PREX2: variants seen among roughly 807,000 people sequenced by gnomAD.
PREX2 encodes phosphatidylinositol-3,4,5-trisphosphate dependent Rac exchange factor 2, also known as phosphatidylinositol 3,4,5-trisphosphate-dependent Rac exchanger 2 protein.
Under a neutral mutation model 203.2 loss-of-function variants are expected in PREX2, and 107 were observed. The ratio of observed to expected loss-of-function variants is 0.53; its 90% CI spans 0.45 to 0.62. The LOEUF is 0.62. Among genes scored for constraint, PREX2 ranks in the 20% least tolerant of loss-of-function variants. The probability of loss-of-function intolerance (pLI) is 0.00; values close to 1 mark genes in which losing one functional copy is unlikely to be tolerated. For missense variants in PREX2, 1,777 were observed against 1,955.9 expected (o/e 0.91, Z 1.72); for synonymous variants, 672 against 663.6 (o/e 1.01, Z -0.19).
rs1807090704 is a variant in PREX2, at chr8:68,006,288, T to TC, written c.142-11554dup. On this transcript the variant is annotated intron_variant, in intron 1 of 39. Transcript: ENST00000288368. ...CCTGGGATGAAGGGAGGCACCAGTT[T>TC]CCCCGCTGAGATGCAGTATAACCTG... Among the ~76,000 whole-genome samples, 3 of 152,158 alleles carry TC rather than the reference T, an allele frequency of 2.0e-5. No homozygotes were observed. In the South Asian group the frequency reaches 6.2e-4, roughly 32 times the overall value.
At chr8:68,090,257 G>A (rs985239923) in intron 19 of PREX2, among the ~76,000 whole-genome samples, 1 of 152,152 alleles carries the variant, frequency 6.6e-6, no homozygotes, top group South Asian at 2.1e-4. Context: ...TTCTCATTTT[G>A]CCATTATATA....
intron 10 of PREX2, among the ~76,000 whole-genome samples, chr8:68,059,110 A>C (rs2129611295): frequency 6.6e-6 from 1 of 152,316 alleles, no homozygotes; most frequent in East Asian, 1.9e-4. Flanking sequence ...ATTAATGAAG[A>C]AATAATTTCC....
chr8:68,068,088 T>G (rs1404365978), intron 11 of PREX2, among the ~76,000 whole-genome samples: 2 of 152,106 alleles, frequency 1.3e-5, no homozygotes, highest in Non-Finnish European at 2.9e-5. Context: ...TATGATCATT[T>G]TATTGTGATA....
chr8:68,008,958 T>C (rs908129620), intron 1 of PREX2, among the ~76,000 whole-genome samples: 3 of 152,246 alleles, frequency 2.0e-5, no homozygotes, highest in Non-Finnish European at 4.4e-5. Context: ...GAAAACGGAC[T>C]GACATGCAAA....
At chr8:68,118,694 G>T in intron 27 of PREX2, 50 bp downstream of exon 27, 1 of 1,282,318 alleles carries the variant, frequency 7.8e-7, no homozygotes, top group South Asian at 1.2e-5. Context: ...AGTCCTATAG[G>T]AGATAACTTT....
At chr8:68,177,820 G>T (rs1008544696) in intron 35 of PREX2, among the ~76,000 whole-genome samples, 1 of 151,814 alleles carries the variant, frequency 6.6e-6, no homozygotes, top group Non-Finnish European at 1.5e-5. Flanking sequence ...AATGTGTGTT[G>T]TTCCCCCCAC....
chr8:68,067,020 G>A (rs1458571861), intron 11 of PREX2, among the ~76,000 whole-genome samples: 1 of 152,030 alleles, frequency 6.6e-6, no homozygotes, highest in Non-Finnish European at 1.5e-5. Flanking sequence ...GCACCTTTGT[G>A]GAAGAGCAAT....
intron 33 of PREX2, among the ~76,000 whole-genome samples, chr8:68,145,790 A>G (rs1811313975): frequency 6.6e-6 from 1 of 152,108 alleles, no homozygotes; most frequent in Non-Finnish European, 1.5e-5. Flanking sequence ...AACCCATGCT[A>G]ATTTTGATAG....
chr8:67,965,199 T>G (rs1805733108), intron 1 of PREX2, among the ~76,000 whole-genome samples: 1 of 152,136 alleles, frequency 6.6e-6, no homozygotes, highest in South Asian at 2.1e-4. Flanking sequence ...GTCAGGAGTT[T>G]CCCTCACAGA....
chr8:68,034,452 A>G (rs1240962439), intron 6 of PREX2, among the ~76,000 whole-genome samples: 1 of 152,172 alleles, frequency 6.6e-6, no homozygotes, highest in Non-Finnish European at 1.5e-5. Flanking sequence ...GTATCAATAA[A>G]CATTACGTTG....
At chr8:68,071,067 A>G (rs1000015626) in intron 13 of PREX2, among the ~76,000 whole-genome samples, 4 of 152,212 alleles carry the variant, frequency 2.6e-5, no homozygotes, top group African/African-American at 9.6e-5. Context: ...AGATAAAACA[A>G]TAATGTTTAA....
rs761387340 is a variant in PREX2, at chr8:68,080,531, A to G, written c.1731A>G (p.Arg577=). ...EEMEGSNMKH[R]LMKHDLKVVE... is the part of the protein sequence containing the mutation. ...TGGAGGGATCAAATATGAAACATCG[A>G]CTTATGAAACATGACTTAAAAGTTG... Residue 577 remains arginine, a synonymous_variant, in exon 16 of 40, where the codon CGA becomes CGG. Coordinates refer to ENST00000288368, the MANE Select transcript of PREX2 (RefSeq NM_024870.4). 2.5e-6 allele frequency: 4 copies of G among 1,611,476 alleles called. No homozygotes were observed. In the East Asian group the frequency reaches 8.9e-5, roughly 36 times the overall value.
chr8:68,228,753 G>A (rs562816889), intron 39 of PREX2, among the ~76,000 whole-genome samples: 1 of 149,916 alleles, frequency 6.7e-6, no homozygotes, highest in South Asian at 2.2e-4. Context: ...ACGACAGAGC[G>A]AGACTCCGTC....
chr8:68,071,497 A>C (rs1339429326), intron 13 of PREX2, among the ~76,000 whole-genome samples: 3 of 152,204 alleles, frequency 2.0e-5, no homozygotes, highest in Non-Finnish European at 2.9e-5. Context: ...AGTCACTTCA[A>C]GTCTTTTGCA....
At chr8:68,160,431 A>G (rs59315153) in intron 35 of PREX2, among the ~76,000 whole-genome samples, 7 of 152,214 alleles carry the variant, frequency 4.6e-5, no homozygotes, top group Admixed American at 1.3e-4. Context: ...ACATATATCA[A>G]GGCAAACCAG....
chr8:67,970,968 A>G (rs1018730561), intron 1 of PREX2, among the ~76,000 whole-genome samples: 3 of 152,134 alleles, frequency 2.0e-5, no homozygotes, highest in Non-Finnish European at 4.4e-5. Flanking sequence ...GCTAGATTTT[A>G]CTTTTCACAG....
chr8:68,122,213 A>T (rs1304444120), intron 30 of PREX2, among the ~76,000 whole-genome samples: 5 of 152,118 alleles, frequency 3.3e-5, no homozygotes, highest in African/African-American at 1.2e-4. Flanking sequence ...CTTATACTCA[A>T]ATATAACAAC....
Position 68,236,518 on chromosome 8 carries a change from A to G in PREX2, c.*5140A>G, listed in dbSNP as rs1194784176. On this transcript the variant is annotated 3_prime_UTR_variant, in exon 40 of 40. Coordinates refer to ENST00000288368, the MANE Select transcript of PREX2 (RefSeq NM_024870.4). ...AACACAAACCTAATATCATATATAC[A>G]AATATACTGTATGTAGCCAAGAACA... The G allele has an allele frequency of 7.2e-5, 11 of 152,172 alleles. No individual in the cohort carries two copies. The highest frequency in any genetic ancestry group is 3.9e-4 in the Admixed American group (6 of 15,264). The allele number at this position is 152,172 out of a possible 1,614,324, so 9.4% of individuals were successfully genotyped here.
intron 1 of PREX2, among the ~76,000 whole-genome samples, chr8:67,970,099 G>C (rs1187111305): frequency 3.3e-5 from 5 of 152,166 alleles, no homozygotes; most frequent in African/African-American, 1.2e-4. Flanking sequence ...AGGGAAATCA[G>C]CTATCTCCAT....
Sources: allele counts gnomAD v4.1 joint callset (sites outside exome capture counted in the v4.1 genomes callset), GRCh38; gene constraint gnomAD v4.1.1; transcripts MANE v1.5; gene names NCBI Gene and HGNC (gene_info 2026-07-23, HGNC 2026-07-21).